Variants in KAZN observed in about 807,000 individuals in gnomAD.
KAZN encodes the protein kazrin, periplakin interacting protein, also known as kazrin.
In KAZN, 40 loss-of-function variants were observed where a neutral mutation model predicts 87.4. The ratio of observed to expected loss-of-function variants is 0.46; its 90% CI spans 0.36 to 0.60. The LOEUF (loss-of-function observed/expected upper bound fraction) is 0.60. Ranked by LOEUF, KAZN falls within the 20% of genes least tolerant of loss-of-function variation. The pLI is 0.00. For synonymous variants in KAZN, 466 were observed against 458.3 expected (o/e 1.02, Z -0.22); for missense variants, 898 against 1,073.9 (o/e 0.84, Z 2.29).
At chr1:13,981,089 T>TCTCTCTATATATATATATATATATATA (rs1553181094) in intron 1 of KAZN, among the ~76,000 whole-genome samples, 1 of 63,134 alleles carries the variant, frequency 1.6e-5, no homozygotes, top group Non-Finnish European at 3.4e-5. Flanking sequence ...AAATTACTCT[T>TCTCTCTATATATATATATATATATATA]TATATATATA....
chr1:14,495,783 G>T (rs918903669), intron 2 of KAZN, among the ~76,000 whole-genome samples: 1 of 152,102 alleles, frequency 6.6e-6, no homozygotes, highest in East Asian at 1.9e-4. Flanking sequence ...GTAGAGGAGG[G>T]CTTCTCGAAA....
intron 2 of KAZN, among the ~76,000 whole-genome samples, chr1:14,469,014 C>G (rs1668308566): frequency 6.6e-6 from 1 of 152,216 alleles, no homozygotes; most frequent in Admixed American, 6.5e-5. Flanking sequence ...TCTCCTGCTT[C>G]TTCGTTGGCA....
intron 13 of KAZN, among the ~76,000 whole-genome samples, chr1:15,110,539 GCA>G (rs1236946666): frequency 9.1e-5 from 6 of 66,186 alleles, no homozygotes; most frequent in African/African-American, 3.2e-4. Flanking sequence ...TTGTGTGTGT[GCA>G]TATGTGTTTG....
chr1:14,875,972 C>T (rs866822060), intron 1 of KAZN, among the ~76,000 whole-genome samples: 1 of 152,194 alleles, frequency 6.6e-6, no homozygotes, highest in Non-Finnish European at 1.5e-5. Flanking sequence ...GTTGACACCC[C>T]CTGCTTCAAG....
intron 1 of KAZN, among the ~76,000 whole-genome samples, chr1:14,670,507 T>C (rs1639854976): frequency 6.6e-6 from 1 of 152,156 alleles, no homozygotes; most frequent in Non-Finnish European, 1.5e-5. Flanking sequence ...TCTCAAATGA[T>C]AGTATGCATC....
chr1:14,489,172 A>G (rs1273561114), intron 2 of KAZN, among the ~76,000 whole-genome samples: 2 of 152,174 alleles, frequency 1.3e-5, no homozygotes, highest in Admixed American at 6.5e-5. Flanking sequence ...ACGTTGTAGA[A>G]AAATTGGAAA....
At chr1:14,408,719 T>C (rs994769611) in intron 2 of KAZN, among the ~76,000 whole-genome samples, 6 of 152,194 alleles carry the variant, frequency 3.9e-5, no homozygotes, top group African/African-American at 1.4e-4. Context: ...TTGGGAGTTA[T>C]AGCATCAACA....
intron 2 of KAZN, among the ~76,000 whole-genome samples, chr1:14,316,686 C>T (rs1268448411): frequency 6.6e-6 from 1 of 151,850 alleles, no homozygotes; most frequent in East Asian, 1.9e-4. Flanking sequence ...ATTTTTATAG[C>T]ATTCAAAGTC....
At chr1:14,234,577 T>C (rs1199777341) in intron 2 of KAZN, among the ~76,000 whole-genome samples, 1 of 151,928 alleles carries the variant, frequency 6.6e-6, no homozygotes, top group Non-Finnish European at 1.5e-5. Flanking sequence ...AAAGCACACA[T>C]AGGTGAAGAG....
At chr1:14,919,772 T>A (rs1658295493) in intron 1 of KAZN, among the ~76,000 whole-genome samples, 1 of 152,198 alleles carries the variant, frequency 6.6e-6, no homozygotes, top group Non-Finnish European at 1.5e-5. Flanking sequence ...TATACTGTAT[T>A]TTTACTGTAG....
At chr1:15,006,768 G>A (rs1557709183) in intron 2 of KAZN, among the ~76,000 whole-genome samples, 1 of 152,158 alleles carries the variant, frequency 6.6e-6, no homozygotes, top group South Asian at 2.1e-4. Flanking sequence ...GAAAGTTCCA[G>A]GGAAGGGGCT....
rs1256672028 is a variant in KAZN at position 15,021,797 on chromosome 1, T to G, written c.419-12952T>G. 1.3e-5 allele frequency among the ~76,000 whole-genome samples: 2 copies of G among 152,148 alleles called. No individual in the cohort carries two copies. Among genetic ancestry groups the G allele is most frequent in the African/African-American group, 4.8e-5 (2 of 41,440 alleles). On this transcript the variant is annotated intron_variant, in intron 2 of 14. Transcript: ENST00000376030. The surrounding 1 kb of genome is among the most constrained non-coding windows in gnomAD (Gnocchi z 4.2). ...CTAGCTGTTTCCAGCCCTTTCTCAT[T>G]GGAAGCCCTGGCTCCTGGCATCTGT...
Position 15,002,594 on chromosome 1 carries a change from C to T in KAZN, c.419-32155C>T, listed in dbSNP as rs540057909. Among the ~76,000 whole-genome samples the T allele has an allele frequency of 8.9e-4, 135 of 152,250 alleles. 1 individual carries two copies. Among genetic ancestry groups the T allele is most frequent in the Non-Finnish European group, 1.7e-3 (114 of 68,026 alleles). On this transcript the variant is annotated intron_variant, in intron 2 of 14. Coordinates refer to ENST00000376030, the MANE Select transcript of KAZN (RefSeq NM_201628.3). ...AAGTTTCCTCATTCAGAAAAATCAGCGTCATCGCCATCATCATTGTCATCA... is the reference window on the plus strand; with the variant it reads ...AAGTTTCCTCATTCAGAAAAATCAGTGTCATCGCCATCATCATTGTCATCA...
chr1:14,896,860 CAA>C (rs1236004099), intron 1 of KAZN, among the ~76,000 whole-genome samples: 1 of 152,106 alleles, frequency 6.6e-6, no homozygotes, highest in Non-Finnish European at 1.5e-5. Context: ...ATTTGGGGTG[CAA>C]AGAGACCTGG....
At chr1:14,231,597 C>G (rs775228320) in intron 2 of KAZN, among the ~76,000 whole-genome samples, 5 of 152,162 alleles carry the variant, frequency 3.3e-5, no homozygotes, top group Admixed American at 6.5e-5. Flanking sequence ...ATCACTGAAG[C>G]CCTCAGCCGA....
At chr1:14,549,979 TA>T (rs1673404963) in intron 2 of KAZN, among the ~76,000 whole-genome samples, 1 of 152,246 alleles carries the variant, frequency 6.6e-6, no homozygotes, top group Non-Finnish European at 1.5e-5. Flanking sequence ...CCAACATTTC[TA>T]GATGTTTTGT....
At chr1:14,756,537 T>C (rs1191779151) in intron 1 of KAZN, among the ~76,000 whole-genome samples, 1 of 152,238 alleles carries the variant, frequency 6.6e-6, no homozygotes, top group Non-Finnish European at 1.5e-5. Context: ...ATAAGTGCCT[T>C]CCTTATCAAT....
chr1:14,854,432 T>C (rs7528105), intron 1 of KAZN, among the ~76,000 whole-genome samples: 26,170 of 152,118 alleles, frequency 0.17, 2,595 homozygotes, highest in African/African-American at 0.27. Context: ...ATTTAGCTCA[T>C]GGTTTTGCAG....
At chr1:14,478,949 G>T (rs1668923216) in intron 2 of KAZN, among the ~76,000 whole-genome samples, 1 of 152,230 alleles carries the variant, frequency 6.6e-6, no homozygotes, top group African/African-American at 2.4e-5. Context: ...GAGAAAACAA[G>T]ATACAGGTAT....
Sources: gnomAD v4.1 joint callset for allele counts (sites outside exome capture counted in the v4.1 genomes callset) on GRCh38, gnomAD v4.1.1 for gene constraint, Gnocchi (gnomAD v3.1) non-coding constraint, MANE v1.5 for transcripts, NCBI Gene and HGNC (gene_info 2026-07-23, HGNC 2026-07-21) for gene names.